The following FBXO38 variants were observed in gnomAD, a reference collection of about 807,000 sequenced individuals.
FBXO38 encodes F-box only protein 38.
FBXO38 carries 53 observed loss-of-function variants against 131.9 expected under a neutral mutation model. That is an observed-to-expected ratio of 0.40 (90% CI 0.32 to 0.51). The LOEUF (loss-of-function observed/expected upper bound fraction) is 0.51. FBXO38 is among the 20% of genes least tolerant of loss of function. The pLI, the probability that FBXO38 is intolerant of heterozygous loss-of-function variation, is 0.53. For missense variants in FBXO38, 1,076 were observed against 1,475.6 expected (o/e 0.73, Z 4.44); for synonymous variants, 452 against 505.6 (o/e 0.89, Z 1.42).
chr5:148,441,771 C>G (rs531350521), intron 21 of FBXO38, among the ~76,000 whole-genome samples, 198 bp from the exon 22 acceptor site: 1 of 152,224 alleles, frequency 6.6e-6, no homozygotes, highest in South Asian at 2.1e-4. Context: ...GTATTTTTAC[C>G]TTGAGACTTT....
chr5:148,436,033 C>G (rs1754329373), intron 17 of FBXO38, among the ~76,000 whole-genome samples: 1 of 152,082 alleles, frequency 6.6e-6, no homozygotes. Context: ...GATCATTGAT[C>G]ATAGACCACC....
Position 148,427,536 on chromosome 5 carries a change from A to G in FBXO38, c.2242A>G (p.Arg748Gly), listed in dbSNP as rs1375395973. ...TAGCCCTACAGAAGTGGATGTGTCC[A>G]GGCAGTGTGCCTGCTCCCCCGGTGG... ...EPSPTEVDVS[R>G]QCACSPGGSE... The change falls in exon 15 of 22, where the codon AGG (arginine) becomes GGG (glycine). Residue 748 changes from arginine (R) to glycine (G), a missense_variant. By Grantham distance (125) the Arg-to-Gly change is moderately radical (BLOSUM62 -2). Around this residue, in one of 8 missense-constraint regions of FBXO38, gnomAD observed 213 missense variants for 225.2 expected, o/e 0.95. Coordinates refer to ENST00000340253, the MANE Select transcript of FBXO38 (RefSeq NM_205836.3). 3.1e-6 allele frequency: 5 copies of G among 1,614,198 alleles called. No individual in the cohort carries two copies. In the South Asian group the frequency reaches 5.5e-5, roughly 18 times the overall value.
At chr5:148,393,374 T>C (rs1758314852) in intron 1 of FBXO38, among the ~76,000 whole-genome samples, 1 of 152,082 alleles carries the variant, frequency 6.6e-6, no homozygotes, top group South Asian at 2.1e-4. Context: ...GTCCATTTAC[T>C]GCTGAGGCAA....
At position 148,414,120 on chromosome 5, in the gene FBXO38, T is replaced by G; in HGVS notation, c.1094-16T>G. 1 of 1,578,094 alleles carries G rather than the reference T, an allele frequency of 6.3e-7. No homozygotes were observed. The highest frequency in any genetic ancestry group is 8.6e-7 in the Non-Finnish European group (1 of 1,168,774). On this transcript the variant is annotated splice_polypyrimidine_tract_variant and intron_variant, in intron 9 of 21. Coordinates refer to ENST00000340253, the MANE Select transcript of FBXO38 (RefSeq NM_205836.3). ...GAATTTGACTTTTTTTTTTTTTAATTGATTGCTCTTTTTAGGCAGAATGGC... is the reference window on the plus strand; with the variant it reads ...GAATTTGACTTTTTTTTTTTTTAATGGATTGCTCTTTTTAGGCAGAATGGC...
rs752889978 is a variant in FBXO38, at chr5:148,433,675, T to C, written c.2795T>C (p.Met932Thr). The C allele has an allele frequency of 1.2e-6, 2 of 1,611,596 alleles. No homozygotes were observed. Among genetic ancestry groups the C allele is most frequent in the Non-Finnish European group, 1.7e-6 (2 of 1,179,050 alleles). ...LKSKNLVGVT[M>T]TNCGITDLVL... ...TCCAAGAATCTTGTTGGAGTCACTA[T>C]GACCAATTGTGGAATCACAGATCTA... is the stretch of plus-strand genomic sequence containing the variant. Residue 932 changes from methionine to threonine, a missense_variant, in exon 17 of 22, where the codon ATG (methionine) becomes ACG (threonine). Transcript: ENST00000340253.
rs551227907 is a variant in FBXO38, at chr5:148,427,388, G to A, written c.2094G>A (p.Lys698=). 10 of 1,614,124 alleles carry A rather than the reference G, an allele frequency of 6.2e-6. No homozygotes were observed. In the South Asian group the frequency reaches 6.6e-5, roughly 11 times the overall value. The stretch of plus-strand genomic sequence containing the variant: ...ATATTCCTGAAAAGAAAAAAAACAA[G>A]GATGTTTATCCCAGCTGCAGCAGCA... ...ARDIPEKKKN[K]DVYPSCSSTT... The change falls in exon 15 of 22, where the codon AAG becomes AAA. Residue 698 remains lysine, a synonymous_variant. Coordinates refer to ENST00000340253, the MANE Select transcript of FBXO38 (RefSeq NM_205836.3).
Position 148,433,400 on chromosome 5 carries a change from T to A in FBXO38, c.2654-24T>A, listed in dbSNP as rs1461756680. The A allele has an allele frequency of 1.9e-6, 3 of 1,581,848 alleles. No individual in the cohort carries two copies. In the East Asian group the frequency reaches 6.7e-5, roughly 35 times the overall value. ...AAGAAAGCAAGGCTAAAATTTGGAT[T>A]TTCTTTTTTTTTGCCTTTTTTAGAA... On this transcript the variant is annotated intron_variant, in intron 15 of 21. Coordinates refer to ENST00000340253, the MANE Select transcript of FBXO38 (RefSeq NM_205836.3).
chr5:148,402,530 T>A lies in FBXO38; in HGVS notation c.592+17T>A. The A allele has an allele frequency of 6.3e-7, 1 of 1,581,394 alleles. No individual in the cohort carries two copies. Among genetic ancestry groups the A allele is most frequent in the Non-Finnish European group, 8.6e-7 (1 of 1,158,238 alleles). On this transcript the variant is annotated intron_variant, in intron 5 of 21. Coordinates refer to ENST00000340253, the MANE Select transcript of FBXO38 (RefSeq NM_205836.3). ...ATTTAGTTGGTGAGTACATGTTTCT[T>A]GGGTCACTTGTAACTCCTTGAAATG...
chr5:148,433,865 G>C (rs1754186308), intron 17 of FBXO38, 128 bp downstream of exon 17: 6 of 532,322 alleles, frequency 1.1e-5, no homozygotes. Flanking sequence ...GTTATCTTTA[G>C]TTCCGCCTTT....
rs1752190334 is a variant in FBXO38 at position 148,402,115 on chromosome 5, A to G, written c.396A>G (p.Leu132=). The change falls in exon 4 of 22, where the codon CTA becomes CTG. Residue 132 remains leucine, a synonymous_variant. Coordinates refer to ENST00000340253, the MANE Select transcript of FBXO38 (RefSeq NM_205836.3). ...GHEAFSIPGV[L]EALQACPNLV... is the part of the protein sequence containing the mutation. ...AGGCTTTTAGCATTCCAGGAGTCCT[A>G]GAAGCTTTGCAGGCATGCCCAAACT... is the stretch of plus-strand genomic sequence containing the variant. The G allele has an allele frequency of 6.2e-7, 1 of 1,613,132 alleles. No homozygotes were observed. The highest frequency in any genetic ancestry group is 8.5e-7 in the Non-Finnish European group (1 of 1,179,268).
At chr5:148,415,643 T>C (rs1047192166) in intron 10 of FBXO38, among the ~76,000 whole-genome samples, 1 of 152,162 alleles carries the variant, frequency 6.6e-6, no homozygotes, top group African/African-American at 2.4e-5. Flanking sequence ...AATTTTTTAA[T>C]TCAGTGTCCT....
At chr5:148,435,213 G>T (rs997134978) in intron 17 of FBXO38, among the ~76,000 whole-genome samples, 8 of 152,204 alleles carry the variant, frequency 5.3e-5, no homozygotes, top group South Asian at 2.1e-4. Flanking sequence ...TGAGGGCCTT[G>T]CCCTGGGTTA....
At chr5:148,397,795 G>A (rs1173745334) in intron 2 of FBXO38, 4 of 152,106 alleles carry the variant, frequency 2.6e-5, no homozygotes. Flanking sequence ...CATTTTGCAG[G>A]TTTAATTCTT....
chr5:148,439,585 C>A (rs932334795), intron 18 of FBXO38, 62 bp from the exon 19 acceptor site: 2 of 1,506,070 alleles, frequency 1.3e-6, no homozygotes, highest in East Asian at 2.3e-5. Context: ...TTCAAGCTCT[C>A]GGAGAGAGAT....
At chr5:148,402,919 T>A (rs1001254337) in intron 5 of FBXO38, among the ~76,000 whole-genome samples, 5 of 151,890 alleles carry the variant, frequency 3.3e-5, no homozygotes, top group Non-Finnish European at 7.4e-5. Context: ...AGAGAGAGAG[T>A]ATATGTGTTT....
At chr5:148,440,329 A>T (rs1754603490) in intron 19 of FBXO38, 95 bp from the exon 20 acceptor site, 3 of 742,294 alleles carry the variant, frequency 4.0e-6, no homozygotes, top group Non-Finnish European at 7.1e-6. Context: ...GTTCGGTAGA[A>T]TCTGTGTCCG....
At chr5:148,414,387 A>G in intron 10 of FBXO38, 81 bp downstream of exon 10, 1 of 1,205,736 alleles carries the variant, frequency 8.3e-7, no homozygotes, top group South Asian at 1.5e-5. Flanking sequence ...GTGTGATATG[A>G]TTGCATTCCT....
chr5:148,402,300 T>C (rs759256808), intron 4 of FBXO38, 48 bp from the exon 5 acceptor site: 1 of 1,569,362 alleles, frequency 6.4e-7, no homozygotes, highest in Admixed American at 1.8e-5. Context: ...AAGCTTTGGA[T>C]GCTAAACTAA....
chr5:148,393,577 T>A (rs1322619735), intron 1 of FBXO38, among the ~76,000 whole-genome samples: 1 of 152,138 alleles, frequency 6.6e-6, no homozygotes, highest in Non-Finnish European at 1.5e-5. Context: ...CAACTGTGTT[T>A]ACTGTCTTTG....
Sources: gnomAD v4.1 joint callset for allele counts (sites outside exome capture counted in the v4.1 genomes callset) on GRCh38, gnomAD v4.1.1 for gene constraint, gnomAD v4.1.1 regional missense constraint, MANE v1.5 for transcripts, NCBI Gene and HGNC (gene_info 2026-07-23, HGNC 2026-07-21) for gene names.